The following FRK variants were observed in gnomAD, a reference collection of about 807,000 sequenced individuals.
FRK encodes fyn related Src family tyrosine kinase.
FRK carries 51 observed loss-of-function variants against 56.4 expected under a neutral mutation model. The ratio of observed to expected loss-of-function variants is 0.90; its 90% confidence interval spans 0.72 to 1.14. FRK has a LOEUF of 1.14. Ranked by LOEUF, FRK falls within the 50% of genes most tolerant of loss-of-function variation. The probability of loss-of-function intolerance (pLI) is 0.00; values close to 1 mark genes in which losing one functional copy is unlikely to be tolerated. For missense variants in FRK, 570 were observed against 601.4 expected, an observed-to-expected ratio of 0.95 and a Z score of 0.55; for synonymous variants, 245 against 217.9, an observed-to-expected ratio of 1.12 and a Z score of -1.10.
At chr6:116,061,533 C>T (rs561638230), upstream of FRK, among the ~76,000 whole-genome samples, 9 of 143,990 alleles carry the variant, frequency 6.3e-5, no homozygotes, top group African/African-American at 2.0e-4. Flanking sequence ...AAACTTTGAC[C>T]TCCAGATCTA....
intron 1 of FRK, among the ~76,000 whole-genome samples, chr6:116,024,399 A>C (rs937228971): frequency 6.6e-6 from 1 of 151,084 alleles, no homozygotes; most frequent in African/African-American, 2.4e-5. Flanking sequence ...ATATCTCCCA[A>C]TGCTATCCCT....
intron 5 of FRK, among the ~76,000 whole-genome samples, chr6:115,955,474 T>C (rs1772948559): frequency 6.6e-6 from 1 of 152,178 alleles, no homozygotes; most frequent in Admixed American, 6.5e-5. Flanking sequence ...CTGAGTTTAA[T>C]CTTTCTATGG....
intron 1 of FRK, among the ~76,000 whole-genome samples, chr6:116,041,958 A>T (rs1226998983): frequency 3.9e-5 from 6 of 152,202 alleles, no homozygotes; most frequent in Non-Finnish European, 2.9e-5. Context: ...AGCTCAGCAG[A>T]TCGCACCCCC....
intron 1 of FRK, chr6:116,039,641 T>A (rs1366675928): frequency 8.0e-6 from 6 of 752,820 alleles, no homozygotes; most frequent in South Asian, 2.7e-5. Flanking sequence ...TCCTTTACTG[T>A]TTATATCTTC....
chr6:116,042,593 T>A (rs1418599586), intron 1 of FRK, among the ~76,000 whole-genome samples: 1 of 152,000 alleles, frequency 6.6e-6, no homozygotes, highest in Non-Finnish European at 1.5e-5. Flanking sequence ...AAGTACTAAA[T>A]ATGGACAGGA....
chr6:116,030,767 T>G (rs998621776), intron 1 of FRK, among the ~76,000 whole-genome samples: 22 of 152,114 alleles, frequency 1.4e-4, no homozygotes, highest in African/African-American at 5.3e-4. Context: ...TAAACGTGTT[T>G]CCCTGAGTTC....
chr6:116,019,726 C>T (rs899670964), intron 1 of FRK, among the ~76,000 whole-genome samples: 7 of 152,166 alleles, frequency 4.6e-5, no homozygotes, highest in Non-Finnish European at 7.4e-5. Flanking sequence ...AAAGCAGTTA[C>T]ATGTGACTTC....
intron 4 of FRK, among the ~76,000 whole-genome samples, chr6:115,966,134 AAC>A (rs1446036289): frequency 4.6e-5 from 7 of 152,292 alleles, no homozygotes; most frequent in African/African-American, 9.6e-5. Context: ...TTGAAAAAGT[AAC>A]ACAGGTAAAT....
the FRK span, among the ~76,000 whole-genome samples, chr6:116,087,588 C>T: frequency 1.3e-5 from 2 of 152,208 alleles, no homozygotes; most frequent in Non-Finnish European, 2.9e-5. Context: ...TATTACTTTG[C>T]CTTGGGGCAG....
chr6:115,982,257 T>A (rs1774225159), intron 2 of FRK, among the ~76,000 whole-genome samples: 1 of 152,126 alleles, frequency 6.6e-6, no homozygotes, highest in Admixed American at 6.6e-5. Flanking sequence ...GTTCTAAGAC[T>A]CATACCATTA....
intron 5 of FRK, among the ~76,000 whole-genome samples, chr6:115,953,815 A>C (rs1290851039): frequency 6.6e-6 from 1 of 152,196 alleles, no homozygotes; most frequent in Non-Finnish European, 1.5e-5. Context: ...AACTTAATCT[A>C]TTTATTCAAT....
intron 2 of FRK, among the ~76,000 whole-genome samples, chr6:115,969,960 T>C (rs1341766345): frequency 6.6e-6 from 1 of 152,214 alleles, no homozygotes; most frequent in Non-Finnish European, 1.5e-5. Context: ...AGCAAAGTTG[T>C]TGATAAGTAT....
intron 2 of FRK, among the ~76,000 whole-genome samples, chr6:116,000,223 C>CTTTCTTTTTTTTTT (rs1775002178): frequency 1.9e-5 from 1 of 53,120 alleles, no homozygotes; most frequent in Non-Finnish European, 3.5e-5. Context: ...ATCATTCTTT[C>CTTTCTTTTTTTTTT]TTTTTTTTTT....
intron 2 of FRK, among the ~76,000 whole-genome samples, chr6:115,995,088 A>G (rs1485124051): frequency 6.6e-6 from 1 of 152,170 alleles, no homozygotes; most frequent in Admixed American, 6.6e-5. Context: ...GTCAAAATCT[A>G]TTCCAGCCAC....
intron 1 of FRK, 65 bp from the exon 2 acceptor site, chr6:116,004,063 C>T: frequency 7.0e-7 from 1 of 1,438,624 alleles, no homozygotes; most frequent in Admixed American, 1.8e-5. Context: ...GAGGAAAAAG[C>T]CTGGCAAGAT....
At chr6:115,971,413 A>G (rs1254765277) in intron 2 of FRK, among the ~76,000 whole-genome samples, 1 of 152,210 alleles carries the variant, frequency 6.6e-6, no homozygotes. Context: ...AATGCAAGGA[A>G]ATATCAAACA....
chr6:116,093,516 C>T, the FRK span, among the ~76,000 whole-genome samples: 14 of 152,218 alleles, frequency 9.2e-5, no homozygotes, highest in Non-Finnish European at 1.3e-4. Flanking sequence ...AGCTGCAGTC[C>T]GAGAGTTTGG....
intron 2 of FRK, among the ~76,000 whole-genome samples, chr6:115,970,520 CA>C (rs1773765452): frequency 6.6e-6 from 1 of 152,148 alleles, no homozygotes; most frequent in African/African-American, 2.4e-5. Flanking sequence ...TAGTGGAATG[CA>C]AATTTGTAAA....
chr6:115,934,053 C>T lies in FRK; in HGVS notation c.*8361G>A, dbSNP rs559485502. ...ACAAAAAAATAAATATATACACACT[C>T]AACATACCCGCATGTATATATTTAG... On this transcript the variant is annotated 3_prime_UTR_variant, in exon 8 of 8. Coordinates refer to ENST00000606080, the MANE Select transcript of FRK (RefSeq NM_002031.3). The T allele has an allele frequency of 6.6e-6, 1 of 152,084 alleles. No homozygotes were observed. The highest frequency in any genetic ancestry group is 2.4e-5 in the African/African-American group (1 of 41,464). 9.4% of individuals were successfully genotyped at this position (152,084 alleles called of 1,614,324 possible).
Sources: allele counts gnomAD v4.1 joint callset (sites outside exome capture counted in the v4.1 genomes callset), GRCh38; gene constraint gnomAD v4.1.1; transcripts MANE v1.5; gene names NCBI Gene and HGNC (gene_info 2026-07-23, HGNC 2026-07-21).